The following PTCHD4 variants were observed in gnomAD, a reference collection of about 807,000 sequenced individuals.
PTCHD4 encodes the protein patched domain containing 4.
In PTCHD4, 33 loss-of-function variants were observed where a neutral mutation model predicts 58.1. That is an observed-to-expected ratio of 0.57 (90% CI 0.43 to 0.76). The LOEUF (loss-of-function observed/expected upper bound fraction) is 0.76, where lower values mean the gene tolerates loss of function less well. PTCHD4 is among the 30% of genes least tolerant of loss of function. The pLI is 0.00. For missense variants in PTCHD4, 1,058 were observed against 1,027.1 expected (o/e 1.03, Z -0.41); for synonymous variants, 478 against 409.6 (o/e 1.17, Z -2.02).
At chr6:48,080,936 C>T (rs985190474) in intron 1 of PTCHD4, among the ~76,000 whole-genome samples, 7 of 152,138 alleles carry the variant, frequency 4.6e-5, no homozygotes, top group Non-Finnish European at 1.0e-4. Flanking sequence ...GTTTCTGATA[C>T]TTGTTTCTGT....
chr6:48,021,351 C>T (rs115328155), intron 3 of PTCHD4, among the ~76,000 whole-genome samples: 1,697 of 152,090 alleles, frequency 0.011, 18 homozygotes, highest in Non-Finnish European at 0.017. Flanking sequence ...TCTGGCCTTG[C>T]ACTTGGCTAA....
chr6:48,036,073 GA>G (rs1348609200), intron 3 of PTCHD4, among the ~76,000 whole-genome samples: 1 of 151,818 alleles, frequency 6.6e-6, no homozygotes, highest in Non-Finnish European at 1.5e-5. Flanking sequence ...CACTGTCCTA[GA>G]GCTTCCTCCA....
intron 4 of PTCHD4, among the ~76,000 whole-genome samples, chr6:47,886,456 C>T (rs1006263198): frequency 6.6e-6 from 1 of 151,800 alleles, no homozygotes; most frequent in African/African-American, 2.4e-5. Context: ...AGCTTGACAC[C>T]GATATGAGAG....
chr6:48,098,870 A>G (rs918735729), intron 1 of PTCHD4, among the ~76,000 whole-genome samples: 5 of 152,198 alleles, frequency 3.3e-5, no homozygotes, highest in Admixed American at 3.3e-4. Context: ...TTAAAAATTG[A>G]AAGTAAAATT....
chr6:48,091,643 C>A (rs961983840), intron 1 of PTCHD4, among the ~76,000 whole-genome samples: 9 of 77,856 alleles, frequency 1.2e-4, no homozygotes, highest in Non-Finnish European at 2.2e-4. Flanking sequence ...CTTCCTCTTT[C>A]TTTCTCTCTT....
At chr6:47,939,671 A>T (rs1766136428) in intron 4 of PTCHD4, among the ~76,000 whole-genome samples, 1 of 152,012 alleles carries the variant, frequency 6.6e-6, no homozygotes, top group Admixed American at 6.6e-5. Flanking sequence ...CTGTTTCCTC[A>T]TCTCTAAAGT....
At chr6:47,985,391 A>G (rs1430137998) in intron 4 of PTCHD4, among the ~76,000 whole-genome samples, 2 of 152,172 alleles carry the variant, frequency 1.3e-5, no homozygotes, top group Non-Finnish European at 2.9e-5. Flanking sequence ...ATATTTTCAG[A>G]TGGTAATAAA....
At chr6:48,042,062 A>G (rs573892279) in intron 3 of PTCHD4, among the ~76,000 whole-genome samples, 66 of 152,148 alleles carry the variant, frequency 4.3e-4, no homozygotes, top group African/African-American at 1.5e-3. Flanking sequence ...AGCCTCCTCT[A>G]TTTTAAAGTT....
chr6:48,045,397 GT>G (rs1472617108), intron 3 of PTCHD4, among the ~76,000 whole-genome samples: 1 of 151,688 alleles, frequency 6.6e-6, no homozygotes, highest in African/African-American at 2.4e-5. Flanking sequence ...AACATCTCAG[GT>G]TTTGATTATT....
Position 48,020,105 on chromosome 6 carries a change from T to C in PTCHD4, c.418-10991A>G, listed in dbSNP as rs181124419. Among the ~76,000 whole-genome samples, 14 of 152,224 alleles carry C rather than the reference T, an allele frequency of 9.2e-5. No individual in the cohort carries two copies. The East Asian group carries it at 2.1e-3, about 23-fold the overall frequency. ...ACACTGGCAGTGAAAATTGTGAAAT[T>C]TGCTTATTCCAAAGCTCTCTTTCGC... On this transcript the variant is annotated intron_variant, in intron 3 of 4. Coordinates refer to ENST00000339488, the MANE Select transcript of PTCHD4 (RefSeq NM_001384253.1).
At position 48,008,656 on chromosome 6, in the gene PTCHD4, C is replaced by T; in HGVS notation, c.876G>A (p.Leu292=). Residue 292 remains leucine (L), a synonymous_variant, in exon 4 of 5, where the codon CTG becomes CTA. Coordinates refer to ENST00000339488, the MANE Select transcript of PTCHD4 (RefSeq NM_001384253.1). ...ITDGKYNSTL[L]GIPFFAMGHG... ...TACCCATGGCGAAGAACGGGATTCC[C>T]AGCAGGGTGGAGTTGTACTTTCCAT... 1 of 1,613,128 alleles carries T rather than the reference C, an allele frequency of 6.2e-7. No individual in the cohort carries two copies. Among genetic ancestry groups the T allele is most frequent in the Non-Finnish European group, 8.5e-7 (1 of 1,179,546 alleles).
intron 3 of PTCHD4, among the ~76,000 whole-genome samples, chr6:48,027,114 T>C (rs994718956): frequency 6.6e-6 from 1 of 152,150 alleles, no homozygotes; most frequent in East Asian, 1.9e-4. Context: ...CATGTGTATG[T>C]ATATATGATA....
At chr6:48,099,597 C>T (rs1459456153) in intron 1 of PTCHD4, among the ~76,000 whole-genome samples, 1 of 152,136 alleles carries the variant, frequency 6.6e-6, no homozygotes, top group Non-Finnish European at 1.5e-5. Context: ...ATATTTTTCT[C>T]GTGATCCTAC....
chr6:47,944,959 T>C (rs928369931), intron 4 of PTCHD4, among the ~76,000 whole-genome samples: 1 of 152,078 alleles, frequency 6.6e-6, no homozygotes, highest in Admixed American at 6.6e-5. Flanking sequence ...TTTGAAAATG[T>C]GGATAAATGT....
At chr6:47,961,751 T>C (rs901958932) in intron 4 of PTCHD4, among the ~76,000 whole-genome samples, 1 of 152,146 alleles carries the variant, frequency 6.6e-6, no homozygotes, top group African/African-American at 2.4e-5. Flanking sequence ...ACTACCAAAA[T>C]GTGTGCCACT....
At chr6:48,082,117 C>T (rs183752953) in intron 1 of PTCHD4, among the ~76,000 whole-genome samples, 1 of 152,228 alleles carries the variant, frequency 6.6e-6, no homozygotes, top group Admixed American at 6.5e-5. Flanking sequence ...TTCATGAATC[C>T]AGGGGAAATA....
At chr6:47,986,878 C>G (rs1443858692) in intron 4 of PTCHD4, among the ~76,000 whole-genome samples, 1 of 152,130 alleles carries the variant, frequency 6.6e-6, no homozygotes, top group African/African-American at 2.4e-5. Flanking sequence ...ATGCCACTGC[C>G]AGGGGAAATA....
At chr6:48,032,075 A>ATTT (rs572807864) in intron 3 of PTCHD4, among the ~76,000 whole-genome samples, 45 of 149,562 alleles carry the variant, frequency 3.0e-4, no homozygotes, top group East Asian at 5.9e-4. Flanking sequence ...AACCCCAGGC[A>ATTT]TTTTTTTTTT....
intron 4 of PTCHD4, among the ~76,000 whole-genome samples, chr6:47,914,199 T>C (rs1014298936): frequency 1.4e-4 from 22 of 152,182 alleles, no homozygotes; most frequent in African/African-American, 4.1e-4. Flanking sequence ...TGTGTTTGTT[T>C]TAGCAGCCAT....
Sources: gnomAD v4.1 joint callset for allele counts (sites outside exome capture counted in the v4.1 genomes callset) on GRCh38, gnomAD v4.1.1 for gene constraint, MANE v1.5 for transcripts, NCBI Gene and HGNC (gene_info 2026-07-23, HGNC 2026-07-21) for gene names.